The following CNTN3 variants were observed in gnomAD, a reference collection of about 807,000 sequenced individuals.
CNTN3 encodes the protein contactin 3.
In CNTN3, 60 loss-of-function variants were observed where a neutral mutation model predicts 119.1. That is an observed-to-expected ratio of 0.50 (90% CI 0.41 to 0.62). The LOEUF is 0.62. Ranked by LOEUF, CNTN3 falls within the 20% of genes least tolerant of loss-of-function variation. The pLI, the probability that CNTN3 is intolerant of heterozygous loss-of-function variation, is 0.00. For synonymous variants in CNTN3, 450 were observed against 438.7 expected, an observed-to-expected ratio of 1.03 and a Z score of -0.32; for missense variants, 1,101 against 1,242.4, an observed-to-expected ratio of 0.89 and a Z score of 1.71.
intron 13 of CNTN3, among the ~76,000 whole-genome samples, chr3:74,304,862 T>C: frequency 6.6e-6 from 1 of 152,218 alleles, no homozygotes; most frequent in East Asian, 1.9e-4. Context: ...GAATTGAGTG[T>C]ATGAATACAT....
intron 1 of CNTN3, among the ~76,000 whole-genome samples, chr3:74,566,926 T>C (rs1704233999): frequency 6.6e-6 from 1 of 152,102 alleles, no homozygotes; most frequent in South Asian, 2.1e-4. Flanking sequence ...TGCACTCTCC[T>C]CCCACCTTCT....
At chr3:74,510,305 G>A (rs1703343960) in intron 2 of CNTN3, among the ~76,000 whole-genome samples, 1 of 152,028 alleles carries the variant, frequency 6.6e-6, no homozygotes, top group African/African-American at 2.4e-5. Context: ...CAGTGAATGT[G>A]TCTATGACTC....
chr3:74,366,774 G>A (rs866457401), intron 8 of CNTN3, among the ~76,000 whole-genome samples: 38 of 38,998 alleles, frequency 9.7e-4, no homozygotes, highest in African/African-American at 4.9e-3. Flanking sequence ...GTGTGTGTGT[G>A]TGTGTGTATA....
At chr3:74,588,686 T>C (rs1291208112) in intron 1 of CNTN3, among the ~76,000 whole-genome samples, 48 of 151,514 alleles carry the variant, frequency 3.2e-4, no homozygotes, top group Admixed American at 2.4e-3. Flanking sequence ...GGAGGCATCA[T>C]GCTACCTGAC....
intron 20 of CNTN3, among the ~76,000 whole-genome samples, chr3:74,268,013 A>C (rs1701698640): frequency 6.6e-6 from 1 of 152,104 alleles, no homozygotes. Context: ...ACACATGAAA[A>C]ATTGCAAGAG....
At chr3:74,343,139 A>AG (rs1267206121) in intron 11 of CNTN3, among the ~76,000 whole-genome samples, 1 of 152,216 alleles carries the variant, frequency 6.6e-6, no homozygotes, top group Non-Finnish European at 1.5e-5. Context: ...TTACAGATAA[A>AG]GGTGATGCAA....
At chr3:74,466,012 C>T (rs759953228) in intron 4 of CNTN3, among the ~76,000 whole-genome samples, 1 of 152,166 alleles carries the variant, frequency 6.6e-6, no homozygotes, top group African/African-American at 2.4e-5. Flanking sequence ...CAAGACTTTT[C>T]AGCTGCAGAT....
intron 4 of CNTN3, among the ~76,000 whole-genome samples, chr3:74,463,120 C>G (rs963010318): frequency 2.6e-5 from 4 of 152,094 alleles, no homozygotes; most frequent in Non-Finnish European, 5.9e-5. Context: ...AAACTGAGCT[C>G]AGTAATCTAA....
intron 13 of CNTN3, among the ~76,000 whole-genome samples, chr3:74,315,969 C>A (rs1350199032): frequency 6.6e-6 from 1 of 152,066 alleles, no homozygotes; most frequent in Non-Finnish European, 1.5e-5. Context: ...TCCTCAAAGG[C>A]AATTGCAACG....
chr3:74,546,142 C>T (rs1422876335), intron 1 of CNTN3, among the ~76,000 whole-genome samples: 1 of 152,062 alleles, frequency 6.6e-6, no homozygotes, highest in African/African-American at 2.4e-5. Context: ...ACTACAGGCG[C>T]CCGCCAGTAT....
intron 5 of CNTN3, among the ~76,000 whole-genome samples, chr3:74,389,720 T>C (rs1575679692): frequency 1.3e-5 from 2 of 152,286 alleles, no homozygotes; most frequent in East Asian, 1.9e-4. Context: ...AAGCAGGGTC[T>C]GAACCCAGCG....
intron 5 of CNTN3, among the ~76,000 whole-genome samples, chr3:74,398,665 A>T (rs1705115034): frequency 6.6e-6 from 1 of 152,168 alleles, no homozygotes; most frequent in African/African-American, 2.4e-5. Context: ...TCAACTTTTA[A>T]AATGTGTGTC....
chr3:74,269,682 TA>T (rs1417285148), intron 20 of CNTN3, among the ~76,000 whole-genome samples: 1 of 152,142 alleles, frequency 6.6e-6, no homozygotes, highest in East Asian at 1.9e-4. Context: ...TATTCAGCCT[TA>T]AAAACATAAA....
At chr3:74,508,572 C>A (rs1392162867) in intron 2 of CNTN3, among the ~76,000 whole-genome samples, 2 of 152,182 alleles carry the variant, frequency 1.3e-5, no homozygotes, top group East Asian at 3.9e-4. Context: ...GATAAACATA[C>A]AACTGATAAA....
At chr3:74,327,578 T>A (rs963235352) in intron 13 of CNTN3, among the ~76,000 whole-genome samples, 3 of 152,162 alleles carry the variant, frequency 2.0e-5, no homozygotes, top group African/African-American at 7.2e-5. Flanking sequence ...ACAAAATAAG[T>A]TAAAAATATT....
chr3:74,384,410 T>C (rs927703890), intron 5 of CNTN3, among the ~76,000 whole-genome samples: 16 of 152,208 alleles, frequency 1.1e-4, no homozygotes, highest in Non-Finnish European at 1.8e-4. Context: ...GAAGCAAATA[T>C]GTAGAACTGC....
At chr3:74,444,071 C>G (rs1202409429) in intron 4 of CNTN3, among the ~76,000 whole-genome samples, 5 of 152,114 alleles carry the variant, frequency 3.3e-5, no homozygotes, top group Non-Finnish European at 7.3e-5. Flanking sequence ...AGATGCATCA[C>G]TATAATCTCC....
At chr3:74,571,946 T>C (rs566557775) in intron 1 of CNTN3, among the ~76,000 whole-genome samples, 4 of 152,292 alleles carry the variant, frequency 2.6e-5, no homozygotes, top group Admixed American at 6.5e-5. Flanking sequence ...AAATATCTCA[T>C]TGGTGGCTTT....
At chr3:74,556,394 T>A (rs2107168143) in intron 1 of CNTN3, among the ~76,000 whole-genome samples, 1 of 152,318 alleles carries the variant, frequency 6.6e-6, no homozygotes, top group South Asian at 2.1e-4. Context: ...ATAAATGGAA[T>A]CATAAAATAT....
Sources: gnomAD v4.1 joint callset for allele counts (sites outside exome capture counted in the v4.1 genomes callset) on GRCh38, gnomAD v4.1.1 for gene constraint, MANE v1.5 for transcripts, NCBI Gene and HGNC (gene_info 2026-07-23, HGNC 2026-07-21) for gene names.